Variants in NTM observed in about 807,000 individuals in gnomAD.
NTM encodes the protein neurotrimin, also known as IgLON family member 2.
Under a neutral mutation model 42.1 loss-of-function variants are expected in NTM, and 13 were observed. The observed-to-expected ratio is 0.31, with a 90% CI of 0.20 to 0.49. The LOEUF is 0.49. NTM is among the 20% of genes least tolerant of loss of function. The pLI is 0.99. For synonymous variants in NTM, 187 were observed against 179.2 expected, an observed-to-expected ratio of 1.04 and a Z score of -0.35; for missense variants, 373 against 452.8, an observed-to-expected ratio of 0.82 and a Z score of 1.60.
intron 2 of NTM, among the ~76,000 whole-genome samples, chr11:131,920,296 G>T (rs746473931): frequency 6.6e-6 from 1 of 152,192 alleles, no homozygotes; most frequent in Non-Finnish European, 1.5e-5. Context: ...TTCTCTAATT[G>T]TAAGTCTTCT....
chr11:132,084,112 T>A (rs931050321), intron 2 of NTM, among the ~76,000 whole-genome samples: 1 of 152,134 alleles, frequency 6.6e-6, no homozygotes, highest in African/African-American at 2.4e-5. Context: ...TTTATTCCGA[T>A]GTCACAATTT....
chr11:131,958,468 T>G (rs1452012313), intron 2 of NTM, among the ~76,000 whole-genome samples: 1 of 152,184 alleles, frequency 6.6e-6, no homozygotes, highest in Non-Finnish European at 1.5e-5. Flanking sequence ...TAGTCTTTGA[T>G]GAGAAAATCG....
intron 2 of NTM, among the ~76,000 whole-genome samples, chr11:132,102,403 T>G (rs1415362202): frequency 5.9e-5 from 9 of 152,294 alleles, no homozygotes; most frequent in Admixed American, 5.2e-4. Flanking sequence ...AGAGTCAGTG[T>G]GCCTGAAGAG....
intron 1 of NTM, among the ~76,000 whole-genome samples, chr11:131,708,523 T>C (rs2076810513): frequency 6.6e-6 from 1 of 152,172 alleles, no homozygotes; most frequent in Non-Finnish European, 1.5e-5. Context: ...TTAATAGGAT[T>C]ATTTCCTAGG....
At chr11:132,052,688 T>C (rs2079023199) in intron 2 of NTM, among the ~76,000 whole-genome samples, 2 of 152,272 alleles carry the variant, frequency 1.3e-5, no homozygotes, top group South Asian at 2.1e-4. Context: ...ATTTGGGGAT[T>C]CCCTCATTCT....
chr11:131,766,044 C>T (rs2085043749), intron 1 of NTM, among the ~76,000 whole-genome samples: 1 of 152,158 alleles, frequency 6.6e-6, no homozygotes, highest in South Asian at 2.1e-4. Context: ...TGGTTAGGAA[C>T]AAAATGACTA....
intron 1 of NTM, among the ~76,000 whole-genome samples, chr11:131,653,047 G>T (rs1019556987): frequency 6.6e-6 from 1 of 152,090 alleles, no homozygotes. Context: ...CCCGCTATTT[G>T]ACGAGCTGCT....
At chr11:131,506,038 T>C (rs1419221525) in intron 1 of NTM, among the ~76,000 whole-genome samples, 1 of 152,136 alleles carries the variant, frequency 6.6e-6, no homozygotes, top group African/African-American at 2.4e-5. Flanking sequence ...ATGTCAGTTA[T>C]CACTCCGGGA....
At chr11:131,713,565 A>G (rs1273075006) in intron 1 of NTM, among the ~76,000 whole-genome samples, 1 of 152,126 alleles carries the variant, frequency 6.6e-6, no homozygotes, top group African/African-American at 2.4e-5. Flanking sequence ...TCCTTTCAGT[A>G]TGTTTTCCTT....
At chr11:131,469,511 C>G (rs532748386) in intron 1 of NTM, among the ~76,000 whole-genome samples, 5 of 152,290 alleles carry the variant, frequency 3.3e-5, no homozygotes, top group Middle Eastern at 3.4e-3. Flanking sequence ...CACAGATAGA[C>G]AGATAACTGA....
At position 131,528,132 on chromosome 11, in the gene NTM, C is replaced by T. The variant is rs186243767; in HGVS notation, c.82+157244C>T. Among the ~76,000 whole-genome samples, 298 of 152,230 alleles carry T rather than the reference C, an allele frequency of 2.0e-3. 2 individuals carry two copies. Among genetic ancestry groups the T allele is most frequent in the African/African-American group, 6.9e-3 (288 of 41,532 alleles). On this transcript the variant is annotated intron_variant, in intron 1 of 8. Transcript: ENST00000683400. ...GATTGCAGATAAGGTGTAACTTTCA[C>T]CTCTCTATCTTTATGCTTGTTTTCA...
rs564146635 is a variant in NTM at position 132,158,800 on chromosome 11, C to A, written c.400+12286C>A. Among the ~76,000 whole-genome samples, 7 of 152,302 alleles carry A rather than the reference C, an allele frequency of 4.6e-5. No homozygotes were observed. The South Asian group carries it at 1.4e-3, about 32-fold the overall frequency. ...CCAGGTGACATTCAGCTGAGTTTTG[C>A]AGTGTGCATTTTCTTAGCAAGGTAA... On this transcript the variant is annotated intron_variant, in intron 3 of 8. Coordinates refer to ENST00000683400, the MANE Select transcript of NTM (RefSeq NM_001352005.2).
intron 2 of NTM, among the ~76,000 whole-genome samples, chr11:132,033,484 T>C (rs2076165386): frequency 3.9e-5 from 6 of 152,134 alleles, no homozygotes; most frequent in Admixed American, 3.9e-4. Flanking sequence ...CCACTGTAAA[T>C]AGAATGAGAA....
At chr11:131,763,026 C>G (rs1043171389) in intron 1 of NTM, among the ~76,000 whole-genome samples, 1 of 152,216 alleles carries the variant, frequency 6.6e-6, no homozygotes, top group African/African-American at 2.4e-5. Flanking sequence ...CAGGCGGATT[C>G]AGGGTGTGAA....
intron 1 of NTM, among the ~76,000 whole-genome samples, chr11:131,858,505 A>G (rs2046322255): frequency 6.6e-6 from 1 of 152,230 alleles, no homozygotes; most frequent in South Asian, 2.1e-4. Context: ...GTAAATCAAC[A>G]CATGTATAAA....
intron 1 of NTM, among the ~76,000 whole-genome samples, chr11:131,782,358 T>A (rs781272379): frequency 6.6e-6 from 1 of 151,276 alleles, no homozygotes; most frequent in African/African-American, 2.4e-5. Context: ...AATACATATA[T>A]AATGTTTCCA....
intron 1 of NTM, among the ~76,000 whole-genome samples, chr11:131,743,586 C>T (rs918631097): frequency 1.3e-5 from 2 of 152,172 alleles, no homozygotes; most frequent in Non-Finnish European, 2.9e-5. Context: ...GGAGTTCCTA[C>T]TAAGTGGTCG....
chr11:132,261,004 A>G (rs1272269455), intron 4 of NTM, among the ~76,000 whole-genome samples: 1 of 152,170 alleles, frequency 6.6e-6, no homozygotes, highest in East Asian at 1.9e-4. Flanking sequence ...CATGCTTAGG[A>G]GTCGAAGGAT....
intron 1 of NTM, among the ~76,000 whole-genome samples, chr11:131,559,026 G>A (rs565417530): frequency 6.6e-6 from 1 of 152,326 alleles, no homozygotes; most frequent in East Asian, 1.9e-4. Flanking sequence ...ATGTTTCTGT[G>A]ATGCTTGAAT....
Sources: allele counts gnomAD v4.1 joint callset (sites outside exome capture counted in the v4.1 genomes callset), GRCh38; gene constraint gnomAD v4.1.1; transcripts MANE v1.5; gene names NCBI Gene and HGNC (gene_info 2026-07-23, HGNC 2026-07-21).